NIBAN2: variants seen among roughly 807,000 people sequenced by gnomAD.
NIBAN2 encodes the protein niban apoptosis regulator 2.
Under a neutral mutation model 81.8 loss-of-function variants are expected in NIBAN2, and 36 were observed. The observed-to-expected ratio is 0.44, with a 90% CI of 0.34 to 0.58. The LOEUF (loss-of-function observed/expected upper bound fraction) is 0.58, where lower values mean the gene tolerates loss of function less well. Ranked by LOEUF, NIBAN2 falls within the 20% of genes least tolerant of loss-of-function variation. The probability of loss-of-function intolerance (pLI) is 0.02; values close to 1 mark genes in which losing one functional copy is unlikely to be tolerated. For missense variants in NIBAN2, 897 were observed against 1,014.1 expected (o/e 0.88, Z 1.57); for synonymous variants, 445 against 441.6 (o/e 1.01, Z -0.10).
exon 1 of NIBAN2, chr9:127,578,942 C>A: frequency 7.5e-6 from 12 of 1,610,138 alleles, no homozygotes; most frequent in Non-Finnish European, 1.0e-5. Flanking sequence ...CCCCATCCTC[C>A]AGAGTGAGAG....
At position 127,517,238 on chromosome 9, in the gene NIBAN2, C is replaced by T; in HGVS notation, c.706-22G>A. 5 of 1,606,370 alleles carry T rather than the reference C, an allele frequency of 3.1e-6. No homozygotes were observed. In the South Asian group the frequency reaches 3.3e-5, roughly 11 times the overall value. On this transcript the variant is annotated intron_variant, in intron 6 of 13. Transcript: ENST00000373312. This position sits in a 1 kb window ranked among gnomAD's most constrained non-coding sequence, Gnocchi z 4.0. ...GGATCTAGGTTGAGGAGGCACAAGC[C>T]AGGCCAGGGGCTGGAGAGCGCTCAG...
intron 8 of NIBAN2, 60 bp from the exon 9 acceptor site, chr9:127,510,393 CAG>C: frequency 7.3e-7 from 1 of 1,369,078 alleles, no homozygotes; most frequent in Non-Finnish European, 1.0e-6. Context: ...CCAGCCATCC[CAG>C]AGCCCAGGTG....
intron 9 of NIBAN2, 171 bp downstream of exon 9, chr9:127,509,975 T>C: frequency 1.9e-6 from 1 of 533,168 alleles, no homozygotes; most frequent in East Asian, 3.2e-5. Context: ...CCACGAGGAC[T>C]CCAACAGCCC....
rs1380757358 is a variant in NIBAN2 at position 127,559,929 on chromosome 9, C to T, written c.55+8891G>A. Reference sequence around the variant, plus strand: ...AAAGAGCTAAGGCCACATCATCTCACCGACCCTGCACAACAGCCTCAGGGG... The same window carrying T: ...AAAGAGCTAAGGCCACATCATCTCATCGACCCTGCACAACAGCCTCAGGGG... On this transcript the variant is annotated intron_variant, in intron 1 of 13. Transcript: ENST00000373312. This position sits in a 1 kb window ranked among gnomAD's most constrained non-coding sequence, Gnocchi z 4.0. Among the ~76,000 whole-genome samples, 1 of 152,202 alleles carries T rather than the reference C, an allele frequency of 6.6e-6. No individual in the cohort carries two copies. Among genetic ancestry groups the T allele is most frequent in the African/African-American group, 2.4e-5 (1 of 41,448 alleles).
At chr9:127,578,853 T>C in intron 1 of NIBAN2, 1 of 1,495,036 alleles carries the variant, frequency 6.7e-7, no homozygotes, top group Non-Finnish European at 9.2e-7. Flanking sequence ...CAAAACCTCC[T>C]CTCTAAACAA....
intron 1 of NIBAN2, among the ~76,000 whole-genome samples, chr9:127,533,523 T>C (rs1012875062): frequency 1.3e-5 from 2 of 151,876 alleles, no homozygotes; most frequent in African/African-American, 2.4e-5. Flanking sequence ...TTCCCAGCTA[T>C]TCAGGAGGCT....
chr9:127,572,604 C>T (rs1837961408), upstream of NIBAN2, among the ~76,000 whole-genome samples: 1 of 152,072 alleles, frequency 6.6e-6, no homozygotes, highest in Non-Finnish European at 1.5e-5. Flanking sequence ...GAAGAAGGTT[C>T]AGGAAGAGCT....
rs143275059 is a variant in NIBAN2 at position 127,531,705 on chromosome 9, G to C, written c.129C>G (p.Ser43Arg). The C allele has an allele frequency of 3.1e-6, 5 of 1,614,182 alleles. No homozygotes were observed. In the South Asian group the frequency reaches 5.5e-5, roughly 18 times the overall value. Residue 43 changes from serine (S) to arginine (R), a missense_variant, in exon 2 of 14, where the codon AGC becomes AGG. Transcript: ENST00000373312. Reference sequence around the variant, plus strand: ...CCGTGCCCTCAATCTCATGGCGCATGCTGTTGAAGAGAGCCACGCCATACT... The same window carrying C: ...CCGTGCCCTCAATCTCATGGCGCATCCTGTTGAAGAGAGCCACGCCATACT... ...EDQYGVALFN[S>R]MRHEIEGTGL...
At chr9:127,547,510 C>G (rs984490410) in intron 1 of NIBAN2, among the ~76,000 whole-genome samples, 2 of 145,214 alleles carry the variant, frequency 1.4e-5, no homozygotes, top group Non-Finnish European at 3.0e-5. Context: ...GAGCGAGACT[C>G]CATCTCAAAA....
chr9:127,541,159 G>T (rs183634647), intron 1 of NIBAN2, among the ~76,000 whole-genome samples: 9 of 152,326 alleles, frequency 5.9e-5, no homozygotes, highest in East Asian at 3.9e-4. Context: ...GCCTGAGACA[G>T]CAGGGAGAGC....
At position 127,523,594 on chromosome 9, in the gene NIBAN2, T is replaced by C. The variant is rs894338459; in HGVS notation, c.589+85A>G. On this transcript the variant is annotated intron_variant, in intron 5 of 13. Coordinates refer to ENST00000373312, the MANE Select transcript of NIBAN2 (RefSeq NM_022833.4). ...CCTGTAGAGCAGGGTTGCCACACCA[T>C]AGTCAGCCACTAGGTGTCACCATTC... 3.3e-5 allele frequency: 47 copies of C among 1,410,490 alleles called. 1 individual carries two copies. The highest frequency in any genetic ancestry group is 2.7e-4 in the South Asian group (21 of 78,822). 87.4% of individuals were successfully genotyped at this position (1,410,490 alleles called of 1,614,324 possible).
chr9:127,517,025 G>A lies in NIBAN2; in HGVS notation c.811-6C>T. 6.2e-7 allele frequency: 1 copy of A among 1,612,770 alleles called. No homozygotes were observed. On this transcript the variant is annotated splice_polypyrimidine_tract_variant and splice_region_variant and intron_variant, in intron 7 of 13. Coordinates refer to ENST00000373312, the MANE Select transcript of NIBAN2 (RefSeq NM_022833.4). The surrounding 1 kb of genome is among the most constrained non-coding windows in gnomAD (Gnocchi z 4.0). ...TGGTACACGGCGTCCGAGATCTGTG[G>A]GCAGAGCAGCTGAATTGGCACCAGG...
intron 2 of NIBAN2, among the ~76,000 whole-genome samples, chr9:127,528,035 T>G (rs1425172861): frequency 6.6e-6 from 1 of 152,200 alleles, no homozygotes; most frequent in Non-Finnish European, 1.5e-5. Flanking sequence ...ACTCACAGTG[T>G]GTCTAGTCAC....
chr9:127,533,979 C>T (rs1169029319), intron 1 of NIBAN2, among the ~76,000 whole-genome samples: 2 of 152,232 alleles, frequency 1.3e-5, no homozygotes, highest in African/African-American at 4.8e-5. Flanking sequence ...GCCCAGGCCA[C>T]ATCAGGCTCA....
Position 127,507,058 on chromosome 9 carries a change from G to A in NIBAN2, c.2028C>T (p.Ala676=). The part of the protein sequence containing the change: ...PPPAGPLLNG[A]PAGESPQPKA... ...TAGGCTGGGGACTCTCCCCAGCGGG[G>A]GCCCCGTTGAGCAGGGGGCCGGCTG... Residue 676 remains alanine (A), a synonymous_variant, in exon 14 of 14, where the codon GCC becomes GCT. Coordinates refer to ENST00000373312, the MANE Select transcript of NIBAN2 (RefSeq NM_022833.4). This position sits in a 1 kb window ranked among gnomAD's most constrained non-coding sequence, Gnocchi z 6.8. 1 of 1,578,530 alleles carries A rather than the reference G, an allele frequency of 6.3e-7. No homozygotes were observed. Among genetic ancestry groups the A allele is most frequent in the African/African-American group, 1.3e-5 (1 of 74,330 alleles).
At chr9:127,574,189 C>T (rs948046032) in intron 1 of NIBAN2, among the ~76,000 whole-genome samples, 3 of 152,200 alleles carry the variant, frequency 2.0e-5, no homozygotes, top group Non-Finnish European at 4.4e-5. Context: ...AATGCCAGGG[C>T]TGTGGACAAA....
At chr9:127,513,992 G>A (rs1464162353) in intron 8 of NIBAN2, among the ~76,000 whole-genome samples, 3 of 152,218 alleles carry the variant, frequency 2.0e-5, no homozygotes, top group Non-Finnish European at 2.9e-5. Flanking sequence ...AGGCTGCACA[G>A]GTGCAGTGGC....
In NIBAN2 at chr9:127,505,636, T is replaced by C. The variant is rs1836577711; in HGVS notation, c.*1209A>G. The C allele has an allele frequency of 6.6e-6, 1 of 152,216 alleles. No homozygotes were observed. The highest frequency in any genetic ancestry group is 1.5e-5 in the Non-Finnish European group (1 of 68,120). The allele number at this position is 152,216 out of a possible 1,614,324, so 9.4% of individuals were successfully genotyped here. A position where few individuals can be genotyped will look rare whatever the true frequency, so the allele number is the denominator to read the frequency against. On this transcript the variant is annotated 3_prime_UTR_variant, in exon 14 of 14. Coordinates refer to ENST00000373312, the MANE Select transcript of NIBAN2 (RefSeq NM_022833.4). Reference sequence around the variant, plus strand: ...ACCTCGGGGACCCAAAAGGAGTCCATTTCTGCCCTGCCCCCCGCAAAGCAG... The same window carrying C: ...ACCTCGGGGACCCAAAAGGAGTCCACTTCTGCCCTGCCCCCCGCAAAGCAG...
At chr9:127,522,191 G>C (rs1836957420) in intron 5 of NIBAN2, among the ~76,000 whole-genome samples, 1 of 152,234 alleles carries the variant, frequency 6.6e-6, no homozygotes, top group African/African-American at 2.4e-5. Flanking sequence ...GCTGGGCCCA[G>C]GTGGCAGGGG....
Sources: gnomAD v4.1 joint callset for allele counts (sites outside exome capture counted in the v4.1 genomes callset) on GRCh38, gnomAD v4.1.1 for gene constraint, Gnocchi (gnomAD v3.1) non-coding constraint, MANE v1.5 for transcripts, NCBI Gene and HGNC (gene_info 2026-07-23, HGNC 2026-07-21) for gene names.